Variants in ATAD2 observed in about 807,000 individuals in gnomAD.
ATAD2 encodes the protein ATPase family AAA domain containing 2, also known as ATPase family AAA domain-containing protein 2.
ATAD2 carries 62 observed loss-of-function variants against 168.9 expected under a neutral mutation model. The ratio of observed to expected loss-of-function variants is 0.37; its 90% CI spans 0.30 to 0.45. The LOEUF is 0.45. Ranked by LOEUF, ATAD2 falls within the 20% of genes least tolerant of loss-of-function variation. ATAD2 has a pLI of 1.00. For synonymous variants in ATAD2, 613 were observed against 571.6 expected (o/e 1.07, Z -1.03); for missense variants, 1,419 against 1,667.8 (o/e 0.85, Z 2.60).
upstream of ATAD2, chr8:123,401,289 T>G (rs1025530034): frequency 8.6e-7 from 1 of 1,167,358 alleles, no homozygotes. Context: ...CCTCCAAGGA[T>G]TCCCATGAGC....
chr8:123,359,165 C>T (rs1828735980), intron 11 of ATAD2, 56 bp downstream of exon 11: 2 of 1,328,418 alleles, frequency 1.5e-6, no homozygotes, highest in Non-Finnish European at 2.1e-6. Context: ...ATAAGAACTA[C>T]AAGAAGCAAG....
At chr8:123,377,497 A>G (rs1419327035) in intron 2 of ATAD2, among the ~76,000 whole-genome samples, 1 of 152,172 alleles carries the variant, frequency 6.6e-6, no homozygotes, top group Non-Finnish European at 1.5e-5. Context: ...ATTTTTTTGT[A>G]TGACTATGTA....
chr8:123,399,251 A>G (rs1380221809), upstream of ATAD2, among the ~76,000 whole-genome samples: 3 of 147,040 alleles, frequency 2.0e-5, no homozygotes, highest in Non-Finnish European at 4.5e-5. Context: ...ACACAGCAAG[A>G]CTCCGTCTCA....
chr8:123,329,023 G>A (rs1368440761), intron 24 of ATAD2, among the ~76,000 whole-genome samples: 1 of 151,888 alleles, frequency 6.6e-6, no homozygotes, highest in Non-Finnish European at 1.5e-5. Context: ...GGATGGTCTC[G>A]ATCTCCTGAC....
chr8:123,371,518 A>G, intron 4 of ATAD2, 152 bp downstream of exon 4: 1 of 803,912 alleles, frequency 1.2e-6, no homozygotes, highest in Non-Finnish European at 1.9e-6. Flanking sequence ...AGACATATAC[A>G]GAATTGTCAC....
At chr8:123,377,560 A>C (rs913069014) in intron 2 of ATAD2, among the ~76,000 whole-genome samples, 1 of 152,242 alleles carries the variant, frequency 6.6e-6, no homozygotes, top group Non-Finnish European at 1.5e-5. Flanking sequence ...AAAACTATAA[A>C]ACCATCAATA....
intron 24 of ATAD2, among the ~76,000 whole-genome samples, chr8:123,333,641 A>G (rs531859048): frequency 1.3e-5 from 2 of 152,280 alleles, no homozygotes; most frequent in East Asian, 3.9e-4. Flanking sequence ...AATAGACCAG[A>G]ATTTACAGAC....
intron 1 of ATAD2, among the ~76,000 whole-genome samples, chr8:123,382,562 A>G (rs953399237): frequency 1.3e-5 from 2 of 152,212 alleles, no homozygotes; most frequent in African/African-American, 4.8e-5. Context: ...CTTTTTCTTA[A>G]AACTGATCAG....
chr8:123,383,975 G>A (rs957534064), intron 1 of ATAD2, among the ~76,000 whole-genome samples: 2 of 151,866 alleles, frequency 1.3e-5, no homozygotes, highest in African/African-American at 4.8e-5. Context: ...CAGCTACTTG[G>A]GAGGCTGAGG....
intron 1 of ATAD2, among the ~76,000 whole-genome samples, chr8:123,389,455 C>T (rs943557972): frequency 6.0e-5 from 9 of 150,242 alleles, no homozygotes; most frequent in Admixed American, 1.3e-4. Context: ...CTGGCTATCA[C>T]GGTGAAAACC....
At chr8:123,415,626 A>G (rs1426561458) in intron 1 of ATAD2, among the ~76,000 whole-genome samples, 1 of 151,580 alleles carries the variant, frequency 6.6e-6, no homozygotes, top group Non-Finnish European at 1.5e-5. Context: ...ACGGAGTCTC[A>G]CCCTGTTGCC....
chr8:123,401,250 C>T (rs894917818), upstream of ATAD2: 18 of 953,562 alleles, frequency 1.9e-5, no homozygotes, highest in African/African-American at 6.4e-5. Context: ...TTGCCCTCAC[C>T]GACCTGAAGA....
chr8:123,391,425 TA>T (rs1198624715), intron 1 of ATAD2, among the ~76,000 whole-genome samples: 5 of 103,492 alleles, frequency 4.8e-5, no homozygotes, highest in African/African-American at 1.5e-4. Flanking sequence ...AATAGGTGAC[TA>T]AAAGTAACTT....
At chr8:123,346,005 C>G in intron 18 of ATAD2, 81 bp downstream of exon 18, 1 of 1,155,978 alleles carries the variant, frequency 8.7e-7, no homozygotes, top group Non-Finnish European at 1.2e-6. Context: ...GACAAAAAAA[C>G]ACAATACAAA....
upstream of ATAD2, chr8:123,400,787 A>T (rs756999590): frequency 3.8e-5 from 33 of 871,188 alleles, no homozygotes; most frequent in African/African-American, 6.6e-5. This position sits in a 1 kb window ranked among gnomAD's most constrained non-coding sequence, Gnocchi z 4.5. Flanking sequence ...TCCTCCATGG[A>T]CACTGTGACA....
At chr8:123,410,148 G>A (rs1369188971) in intron 1 of ATAD2, among the ~76,000 whole-genome samples, 1 of 151,990 alleles carries the variant, frequency 6.6e-6, no homozygotes, top group Non-Finnish European at 1.5e-5. Context: ...ACTGGACACA[G>A]GTTTCTTTGA....
chr8:123,385,069 G>C (rs1829609276), intron 1 of ATAD2, among the ~76,000 whole-genome samples: 1 of 151,988 alleles, frequency 6.6e-6, no homozygotes, highest in African/African-American at 2.4e-5. Context: ...TTTTTATTTA[G>C]GTACCTCCAA....
At chr8:123,400,834 G>T (rs1812986341), upstream of ATAD2, 3 of 1,294,492 alleles carry the variant, frequency 2.3e-6, no homozygotes, top group Non-Finnish European at 3.3e-6. This position sits in a 1 kb window ranked among gnomAD's most constrained non-coding sequence, Gnocchi z 4.5. Context: ...TCTGGTGGGA[G>T]GTATTGGTTT....
chr8:123,396,808 C>A (rs552766005), upstream of ATAD2, among the ~76,000 whole-genome samples: 2 of 152,274 alleles, frequency 1.3e-5, no homozygotes, highest in East Asian at 1.9e-4. Flanking sequence ...GTCTCCTCCC[C>A]ACCCCTGTTG....
Sources: gnomAD v4.1 joint callset for allele counts (sites outside exome capture counted in the v4.1 genomes callset) on GRCh38, gnomAD v4.1.1 for gene constraint, Gnocchi (gnomAD v3.1) non-coding constraint, MANE v1.5 for transcripts, NCBI Gene and HGNC (gene_info 2026-07-23, HGNC 2026-07-21) for gene names.